RIMBP2: variants seen among roughly 807,000 people sequenced by gnomAD.
The protein encoded by RIMBP2 is RIMS-binding protein 2.
A neutral mutation model predicts 118.6 loss-of-function variants in RIMBP2; 48 were observed. That is an observed-to-expected ratio of 0.40 (90% CI 0.32 to 0.51). RIMBP2 has a LOEUF of 0.51. Ranked by LOEUF, RIMBP2 falls within the 20% of genes least tolerant of loss-of-function variation. The pLI, the probability that RIMBP2 is intolerant of heterozygous loss-of-function variation, is 0.41. For missense variants in RIMBP2, 1,551 were observed against 1,768.3 expected (o/e 0.88, Z 2.20); for synonymous variants, 762 against 742.9 (o/e 1.03, Z -0.42).
rs563540831 is a variant in RIMBP2, at chr12:130,621,897, G to A, written c.-217+6425C>T. ...CAGGCCAGCATCACACACACTTCCC[G>A]ACAGGCCCAGGACAGCACTAATGAC... On this transcript the variant is annotated intron_variant, in intron 2 of 22. Transcript: ENST00000690449. The surrounding 1 kb of genome is among the most constrained non-coding windows in gnomAD (Gnocchi z 6.6). 5.9e-5 allele frequency among the ~76,000 whole-genome samples: 9 copies of A among 152,236 alleles called. No individual in the cohort carries two copies. Among genetic ancestry groups the A allele is most frequent in the African/African-American group, 9.6e-5 (4 of 41,540 alleles).
chr12:130,505,360 T>C (rs2050200547), intron 4 of RIMBP2, among the ~76,000 whole-genome samples: 1 of 152,018 alleles, frequency 6.6e-6, no homozygotes, highest in Non-Finnish European at 1.5e-5. Context: ...CCCATGGTTT[T>C]GGCACTTTCA....
chr12:130,598,535 T>C (rs1447557740), intron 2 of RIMBP2, among the ~76,000 whole-genome samples: 1 of 152,152 alleles, frequency 6.6e-6, no homozygotes, highest in African/African-American at 2.4e-5. Flanking sequence ...GAGACCATCC[T>C]GGCTAACACG....
At chr12:130,556,191 C>T (rs1463464003) in intron 2 of RIMBP2, among the ~76,000 whole-genome samples, 1 of 152,156 alleles carries the variant, frequency 6.6e-6, no homozygotes, top group African/African-American at 2.4e-5. Flanking sequence ...CCACAGCAGG[C>T]CCACCCTGGC....
chr12:130,615,276 C>CATATATATATATATATATATAT (rs202186208), intron 2 of RIMBP2, among the ~76,000 whole-genome samples: 1,977 of 99,296 alleles, frequency 0.02, 62 homozygotes, highest in East Asian at 0.033. Flanking sequence ...AATACACATA[C>CATATATATATATATATATATAT]ATATATATAT....
At position 130,523,752 on chromosome 12, in the gene RIMBP2, C is replaced by T. The variant is rs904189306; in HGVS notation, c.-216-5835G>A. ...GGGCCCTGAGTGAGTGGGTGAGGAGCACCCTCTGCCCCCAGCCTTGTGGGT... is the reference window on the plus strand; with the variant it reads ...GGGCCCTGAGTGAGTGGGTGAGGAGTACCCTCTGCCCCCAGCCTTGTGGGT... On this transcript the variant is annotated intron_variant, in intron 2 of 22. Coordinates refer to ENST00000690449, the MANE Select transcript of RIMBP2 (RefSeq NM_001393629.1). This position sits in a 1 kb window ranked among gnomAD's most constrained non-coding sequence, Gnocchi z 4.4. 3.9e-5 allele frequency among the ~76,000 whole-genome samples: 6 copies of T among 152,222 alleles called. No individual in the cohort carries two copies. The highest frequency in any genetic ancestry group is 1.4e-4 in the African/African-American group (6 of 41,460).
At chr12:130,628,124 G>C (rs547014399) in intron 2 of RIMBP2, among the ~76,000 whole-genome samples, 198 bp downstream of exon 2, 22 of 152,316 alleles carry the variant, frequency 1.4e-4, no homozygotes, top group African/African-American at 5.1e-4. Context: ...TTGCACGGCT[G>C]TTCCCCATGA....
intron 14 of RIMBP2, 190 bp from the exon 15 acceptor site, chr12:130,428,527 T>C (rs1007889435): frequency 1.3e-5 from 7 of 527,682 alleles, no homozygotes; most frequent in African/African-American, 1.2e-4. Context: ...ACTCTCTCTG[T>C]TGAAGTGGCA....
At chr12:130,466,728 G>T (rs192297979) in intron 6 of RIMBP2, among the ~76,000 whole-genome samples, 3 of 152,178 alleles carry the variant, frequency 2.0e-5, no homozygotes, top group Non-Finnish European at 4.4e-5. Context: ...AAACAGTTCC[G>T]CTGAAGTTCA....
At chr12:130,486,707 T>C in intron 4 of RIMBP2, among the ~76,000 whole-genome samples, 1 of 118,886 alleles carries the variant, frequency 8.4e-6, no homozygotes, top group African/African-American at 3.6e-5. Context: ...ATCCAGATCT[T>C]TGAGAAAAAA....
chr12:130,485,491 G>A (rs777629451), intron 4 of RIMBP2, among the ~76,000 whole-genome samples: 4 of 152,262 alleles, frequency 2.6e-5, no homozygotes, highest in Non-Finnish European at 5.9e-5. Flanking sequence ...CCAGGGCAGA[G>A]AAGCAGCTTT....
intron 15 of RIMBP2, chr12:130,426,343 A>C (rs1252428756): frequency 1.3e-5 from 2 of 150,280 alleles, no homozygotes; most frequent in East Asian, 2.0e-4. Context: ...GCAATGGCGC[A>C]ATCTCAGCTC....
chr12:130,686,985 C>A (rs903408947), intron 1 of RIMBP2, among the ~76,000 whole-genome samples: 6 of 152,220 alleles, frequency 3.9e-5, no homozygotes, highest in Admixed American at 2.0e-4. Context: ...GGCTGCAAAG[C>A]GCAGCGATTA....
chr12:130,563,291 C>T (rs1010705186), intron 2 of RIMBP2, among the ~76,000 whole-genome samples: 2 of 152,210 alleles, frequency 1.3e-5, no homozygotes, highest in Non-Finnish European at 2.9e-5. Flanking sequence ...CCTGCCAAGC[C>T]TCTTCCTCAA....
intron 3 of RIMBP2, among the ~76,000 whole-genome samples, chr12:130,517,293 C>T (rs930236054): frequency 4.6e-5 from 7 of 152,164 alleles, no homozygotes; most frequent in Admixed American, 3.3e-4. Context: ...TGGGACCCTA[C>T]AGAGTCCTCA....
Position 130,451,148 on chromosome 12 carries a change from A to G in RIMBP2, c.504+47T>C, listed in dbSNP as rs541250403. The G allele has an allele frequency of 4.6e-5, 74 of 1,595,494 alleles. 1 individual carries two copies. The South Asian group carries it at 7.9e-4, about 17-fold the overall frequency. On this transcript the variant is annotated intron_variant, in intron 8 of 22. Transcript: ENST00000690449. ...AAACTGGCCAACGTCCACACCAGACACACACAGCACAGGCAGCCCCGGCAG... is the reference window on the plus strand; with the variant it reads ...AAACTGGCCAACGTCCACACCAGACGCACACAGCACAGGCAGCCCCGGCAG...
At chr12:130,561,689 C>A (rs2056834174) in intron 2 of RIMBP2, among the ~76,000 whole-genome samples, 1 of 152,158 alleles carries the variant, frequency 6.6e-6, no homozygotes, top group Admixed American at 6.5e-5. Flanking sequence ...TCTCAACTCC[C>A]ATTTTTAAAT....
intron 2 of RIMBP2, among the ~76,000 whole-genome samples, chr12:130,613,079 G>A (rs2060659957): frequency 6.6e-6 from 1 of 152,226 alleles, no homozygotes; most frequent in African/African-American, 2.4e-5. Context: ...TGGCCGGCAA[G>A]GATGACTAGG....
At chr12:130,512,959 C>T (rs1425861646) in intron 3 of RIMBP2, among the ~76,000 whole-genome samples, 1 of 152,076 alleles carries the variant, frequency 6.6e-6, no homozygotes, top group Non-Finnish European at 1.5e-5. Flanking sequence ...GTGTGTCATC[C>T]TTTTAAACTT....
intron 1 of RIMBP2, among the ~76,000 whole-genome samples, chr12:130,639,162 T>C (rs927267932): frequency 4.8e-5 from 7 of 145,814 alleles, no homozygotes; most frequent in African/African-American, 1.5e-4. Flanking sequence ...CCGAGGCGGG[T>C]AGATCACCTG....
Sources: allele counts gnomAD v4.1 joint callset (sites outside exome capture counted in the v4.1 genomes callset), GRCh38; gene constraint gnomAD v4.1.1; non-coding constraint Gnocchi (gnomAD v3.1); transcripts MANE v1.5; gene names NCBI Gene and HGNC (gene_info 2026-07-23, HGNC 2026-07-21).